Variants in SLC14A2 observed in about 807,000 individuals in gnomAD.
The protein encoded by SLC14A2 is solute carrier family 14 member 2.
SLC14A2 carries 91 observed loss-of-function variants against 104.6 expected under a neutral mutation model. That is an observed-to-expected ratio of 0.87 (90% CI 0.73 to 1.04). SLC14A2 has a LOEUF of 1.04. SLC14A2 is among the 50% of genes least tolerant of loss of function. The pLI, the probability that SLC14A2 is intolerant of heterozygous loss-of-function variation, is 0.00. For synonymous variants in SLC14A2, 476 were observed against 466.4 expected (o/e 1.02, Z -0.27); for missense variants, 1,189 against 1,156.0 (o/e 1.03, Z -0.41).
At chr18:45,624,289 A>G (rs918232521) in intron 1 of SLC14A2, among the ~76,000 whole-genome samples, 1 of 152,166 alleles carries the variant, frequency 6.6e-6, no homozygotes, top group African/African-American at 2.4e-5. Flanking sequence ...AGGGGAACAT[A>G]CGTGTACCAC....
intron 1 of SLC14A2, among the ~76,000 whole-genome samples, chr18:45,398,203 T>A (rs903074444): frequency 1.3e-5 from 2 of 152,212 alleles, no homozygotes; most frequent in African/African-American, 4.8e-5. Context: ...CTCATGGTGT[T>A]CTTTCTGAGT....
intron 1 of SLC14A2, among the ~76,000 whole-genome samples, chr18:45,308,613 T>G (rs2085047511): frequency 6.6e-6 from 1 of 152,214 alleles, no homozygotes; most frequent in Non-Finnish European, 1.5e-5. Flanking sequence ...GCCTGTGTCC[T>G]GGCATCTGGG....
intron 1 of SLC14A2, among the ~76,000 whole-genome samples, chr18:45,331,207 C>T (rs1482766414): frequency 6.6e-6 from 1 of 152,190 alleles, no homozygotes; most frequent in Non-Finnish European, 1.5e-5. Context: ...CCTTTGTCTT[C>T]AGATTTGGGA....
chr18:45,385,932 C>T (rs111485544), intron 1 of SLC14A2, among the ~76,000 whole-genome samples: 1 of 152,164 alleles, frequency 6.6e-6, no homozygotes, highest in Non-Finnish European at 1.5e-5. Context: ...TGAGCCCCCA[C>T]CATGTCCCCA....
At chr18:45,308,887 G>A (rs1053547494) in intron 1 of SLC14A2, among the ~76,000 whole-genome samples, 2 of 152,088 alleles carry the variant, frequency 1.3e-5, no homozygotes, top group Admixed American at 1.3e-4. Context: ...TGAGTGGCTT[G>A]TTTATTTTGG....
At chr18:45,493,476 A>G (rs2043036898) in intron 2 of SLC14A2, among the ~76,000 whole-genome samples, 1 of 152,236 alleles carries the variant, frequency 6.6e-6, no homozygotes, top group African/African-American at 2.4e-5. Context: ...ACCTATAATA[A>G]CAACAGCATT....
chr18:45,648,195 C>CTTTTTTTTTTTTTTTTT lies in SLC14A2; in HGVS notation c.1351+4047_1351+4063dup, dbSNP rs59843067. ...GTTACCCTCTTTATTCTAGTTAATG[C>CTTTTTTTTTTTTTTTTT]TTTTTTTTTTTTTTTTTTTTTTTTT... is the stretch of plus-strand genomic sequence containing the variant. On this transcript the variant is annotated intron_variant, in intron 10 of 19. Transcript: ENST00000255226. Among the ~76,000 whole-genome samples the CTTTTTTTTTTTTTTTTT allele has an allele frequency of 1.5e-4, 15 of 101,244 alleles. 1 individual carries two copies. The highest frequency in any genetic ancestry group is 5.8e-4 in the African/African-American group (15 of 25,946). The allele number at this position is 101,244 out of a possible 152,430, so 66.4% of individuals were successfully genotyped here.
chr18:45,477,905 C>A (rs1216509735), intron 1 of SLC14A2, among the ~76,000 whole-genome samples: 1 of 152,208 alleles, frequency 6.6e-6, no homozygotes, highest in Non-Finnish European at 1.5e-5. Context: ...GCCAGTGGAT[C>A]TTAGCTTGCT....
chr18:45,403,712 C>T (rs1185964041), intron 1 of SLC14A2, among the ~76,000 whole-genome samples: 1 of 152,036 alleles, frequency 6.6e-6, no homozygotes, highest in African/African-American at 2.4e-5. Flanking sequence ...TCTTTCTATC[C>T]CCAGTATCAG....
chr18:45,611,453 G>C (rs190826402), upstream of SLC14A2, among the ~76,000 whole-genome samples: 10 of 152,334 alleles, frequency 6.6e-5, no homozygotes, highest in African/African-American at 2.4e-4. Context: ...TGCAGGAGAA[G>C]TGCATCCTCA....
At chr18:45,426,338 G>A (rs2086425952) in intron 1 of SLC14A2, among the ~76,000 whole-genome samples, 3 of 152,134 alleles carry the variant, frequency 2.0e-5, no homozygotes, top group South Asian at 4.1e-4. Context: ...CTAACTTATC[G>A]AGTGCGTAAT....
At chr18:45,358,039 G>T (rs922387901) in intron 1 of SLC14A2, among the ~76,000 whole-genome samples, 1 of 152,156 alleles carries the variant, frequency 6.6e-6, no homozygotes, top group African/African-American at 2.4e-5. Context: ...ACTCTCTGAA[G>T]GAGAGAGAGA....
chr18:45,624,540 C>T, intron 1 of SLC14A2, 91 bp from the exon 2 acceptor site: 1 of 904,804 alleles, frequency 1.1e-6, no homozygotes, highest in Middle Eastern at 2.8e-4. Flanking sequence ...GTCCAACCCC[C>T]AGGACAGACC....
chr18:45,256,063 G>A (rs2084474869), intron 1 of SLC14A2, among the ~76,000 whole-genome samples: 3 of 152,162 alleles, frequency 2.0e-5, no homozygotes, highest in South Asian at 4.1e-4. Flanking sequence ...GCTGGGTTAT[G>A]GGACTCAGCG....
At chr18:45,566,213 A>G (rs1413051915) in intron 2 of SLC14A2, among the ~76,000 whole-genome samples, 1 of 152,174 alleles carries the variant, frequency 6.6e-6, no homozygotes, top group Non-Finnish European at 1.5e-5. Context: ...CAGTGCTCTG[A>G]TCGTGCCCAT....
At chr18:45,598,467 T>C (rs947819439) in intron 2 of SLC14A2, among the ~76,000 whole-genome samples, 10 of 152,206 alleles carry the variant, frequency 6.6e-5, no homozygotes, top group Non-Finnish European at 1.0e-4. Context: ...GCGAGGGTCC[T>C]AGACGCTTTC....
chr18:45,332,521 CTG>C (rs374043475), intron 1 of SLC14A2, among the ~76,000 whole-genome samples: 9 of 152,146 alleles, frequency 5.9e-5, no homozygotes, highest in African/African-American at 2.2e-4. Context: ...TAAGGAATGA[CTG>C]TATATTATTG....
chr18:45,507,838 CA>C (rs1392558812), intron 2 of SLC14A2, among the ~76,000 whole-genome samples: 5 of 152,070 alleles, frequency 3.3e-5, no homozygotes, highest in Non-Finnish European at 4.4e-5. Context: ...TTGCTTACTG[CA>C]AAGTAAAATA....
intron 2 of SLC14A2, among the ~76,000 whole-genome samples, chr18:45,564,477 C>T (rs2044241250): frequency 1.3e-5 from 2 of 152,260 alleles, no homozygotes; most frequent in South Asian, 4.1e-4. Flanking sequence ...CACATGGTGA[C>T]AGCTACTGAT....
Sources: gnomAD v4.1 joint callset for allele counts (sites outside exome capture counted in the v4.1 genomes callset) on GRCh38, gnomAD v4.1.1 for gene constraint, MANE v1.5 for transcripts, NCBI Gene and HGNC (gene_info 2026-07-23, HGNC 2026-07-21) for gene names.